Variants in PARG observed in about 807,000 individuals in gnomAD.
PARG encodes the protein mitochondrial poly(ADP-ribose) glycohydrolase.
A neutral mutation model predicts 113.0 loss-of-function variants in PARG; 35 were observed. The ratio of observed to expected loss-of-function variants is 0.31; its 90% CI spans 0.24 to 0.41. PARG has a LOEUF of 0.41. Ranked by LOEUF, PARG falls within the 10% of genes least tolerant of loss-of-function variation. The pLI, the probability that PARG is intolerant of heterozygous loss-of-function variation, is 1.00. For synonymous variants in PARG, 330 were observed against 409.9 expected, an observed-to-expected ratio of 0.81 and a Z score of 2.36; for missense variants, 797 against 1,169.4, an observed-to-expected ratio of 0.68 and a Z score of 4.64.
intron 7 of PARG, among the ~76,000 whole-genome samples, chr10:49,887,207 T>C (rs1554840594): frequency 6.6e-6 from 1 of 152,176 alleles, no homozygotes; most frequent in Non-Finnish European, 1.5e-5. Flanking sequence ...GCCTTTTTGC[T>C]TTTTAAAACT....
chr10:49,916,542 AATT>A (rs1180526427), intron 6 of PARG, among the ~76,000 whole-genome samples: 3 of 151,954 alleles, frequency 2.0e-5, no homozygotes, highest in Non-Finnish European at 4.4e-5. Flanking sequence ...ACTATATATA[AATT>A]ATTATCTTCC....
chr10:49,906,144 CTT>C (rs71471360), intron 7 of PARG, among the ~76,000 whole-genome samples: 5 of 111,056 alleles, frequency 4.5e-5, no homozygotes, highest in South Asian at 3.0e-4. Flanking sequence ...GATGCTGCCG[CTT>C]TTTTTTTTTT....
At chr10:49,928,149 T>C (rs565673919) in intron 4 of PARG, among the ~76,000 whole-genome samples, 4 of 151,942 alleles carry the variant, frequency 2.6e-5, no homozygotes, top group South Asian at 4.2e-4. Flanking sequence ...TATGCACCTG[T>C]AGTCCCAGCT....
chr10:49,920,612 A>G (rs1837809316), intron 6 of PARG, among the ~76,000 whole-genome samples: 1 of 145,958 alleles, frequency 6.9e-6, no homozygotes, highest in South Asian at 2.1e-4. Context: ...ACGTACATAT[A>G]TACGTATATA....
intron 14 of PARG, among the ~76,000 whole-genome samples, 170 bp downstream of exon 14, chr10:49,843,384 G>A (rs1845340678): frequency 3.3e-5 from 5 of 152,196 alleles, no homozygotes; most frequent in Admixed American, 3.3e-4. Context: ...GGTACAGGAA[G>A]ATGGTAATAG....
chr10:49,832,751 TAAC>T (rs750405654), intron 16 of PARG, 49 bp downstream of exon 16: 8 of 1,029,636 alleles, frequency 7.8e-6, no homozygotes, highest in Non-Finnish European at 1.2e-5. Context: ...TTTGAAGGAC[TAAC>T]TTTTTTTGTG....
intron 7 of PARG, among the ~76,000 whole-genome samples, chr10:49,897,280 A>C (rs1342152649): frequency 3.3e-5 from 5 of 152,182 alleles, no homozygotes; most frequent in Non-Finnish European, 5.9e-5. Context: ...AACAAATAAC[A>C]GCTAGTATTA....
chr10:49,931,368 G>C (rs1838470187), intron 4 of PARG, among the ~76,000 whole-genome samples: 3 of 151,998 alleles, frequency 2.0e-5, no homozygotes, highest in Admixed American at 2.0e-4. Flanking sequence ...TTATGGTTTA[G>C]GAGTCATGCA....
At chr10:49,920,473 TATATATATATATATATATATATATACAC>T (rs1837762454) in intron 6 of PARG, among the ~76,000 whole-genome samples, 1 of 81,796 alleles carries the variant, frequency 1.2e-5, no homozygotes, top group Admixed American at 1.1e-4. Context: ...AATATATATA[TATATATATATATATATATATATATACAC>T]ACACACACAC....
chr10:49,858,880 C>T (rs1335875029), intron 12 of PARG, among the ~76,000 whole-genome samples: 1 of 152,090 alleles, frequency 6.6e-6, no homozygotes, highest in East Asian at 1.9e-4. Flanking sequence ...CAAATATTTA[C>T]TGAGTATTGT....
Position 49,933,603 on chromosome 10 carries a change from G to T in PARG, c.845C>A (p.Thr282Asn). 6.2e-7 allele frequency: 1 copy of T among 1,610,624 alleles called. No homozygotes were observed. Among genetic ancestry groups the T allele is most frequent in the Middle Eastern group, 1.7e-4 (1 of 6,054 alleles). Residue 282 changes from threonine (T) to asparagine (N), a missense_variant, in exon 3 of 18, where the codon ACT (threonine) becomes AAT (asparagine). This residue lies in a region of PARG where 284 missense variants were observed against 306.1 expected (regional missense o/e 0.93). Coordinates refer to ENST00000616448, the MANE Select transcript of PARG (RefSeq NM_003631.5). Reference sequence around the variant, plus strand: ...ATTTCCTAGGCAACTTTCTTGTCTAGTCAATTTGTTGTCATTTTTTGGCCC... The same window carrying T: ...ATTTCCTAGGCAACTTTCTTGTCTATTCAATTTGTTGTCATTTTTTGGCCC... Reference protein sequence around the residue: ...GTGPKNDNKLTRQESCLGNSP... With the variant: ...GTGPKNDNKLNRQESCLGNSP...
Position 49,842,050 on chromosome 10 carries a change from C to T in PARG, c.2441G>A (p.Trp814Ter). 6.5e-7 allele frequency: 1 copy of T among 1,547,276 alleles called. No individual in the cohort carries two copies. Reference sequence around the variant, plus strand: ...AACGATCTCAGTGCAGCGCCGCTGCCAGTCGTCCCTGGGACAGGAAGGAAA... The same window carrying T: ...AACGATCTCAGTGCAGCGCCGCTGCTAGTCGTCCCTGGGACAGGAAGGAAA... ...SHEDGSERDDWQRRCTEIVAI... is the reference protein window; with the variant it reads ...SHEDGSERDD Residue 814 changes from tryptophan (W) to a stop codon, truncating the protein, a stop_gained, in exon 15 of 18, where the codon TGG (tryptophan) becomes TAG (stop). Coordinates refer to ENST00000616448, the MANE Select transcript of PARG (RefSeq NM_003631.5). LOFTEE classifies it high-confidence loss of function.
Position 49,937,475 on chromosome 10 carries a change from C to CA in PARG, c.218-2334dup, listed in dbSNP as rs34549779. Among the ~76,000 whole-genome samples the CA allele has an allele frequency of 6.2e-3, 754 of 120,674 alleles. 11 individuals are homozygous for CA. Among genetic ancestry groups the CA allele is most frequent in the South Asian group, 0.039 (145 of 3,740 alleles). 79.2% of individuals were successfully genotyped at this position (120,674 alleles called of 152,430 possible). A position where few individuals can be genotyped will look rare whatever the true frequency, so the allele number is the denominator to read the frequency against. ...TGGGCGACAGTGTGAGACTCTGTCT[C>CA]AAAAAAAAAAAAAAATCCTCAAATT... On this transcript the variant is annotated intron_variant, in intron 1 of 17. Coordinates refer to ENST00000616448, the MANE Select transcript of PARG (RefSeq NM_003631.5).
At chr10:49,828,112 A>AAC (rs1844462208) in intron 16 of PARG, among the ~76,000 whole-genome samples, 3 of 148,420 alleles carry the variant, frequency 2.0e-5, no homozygotes, top group Non-Finnish European at 4.5e-5. Context: ...AAAAAAAAAA[A>AAC]AAAAAAAAAA....
intron 14 of PARG, 84 bp downstream of exon 14, chr10:49,843,470 G>T: frequency 1.2e-6 from 1 of 800,796 alleles, no homozygotes; most frequent in Non-Finnish European, 2.1e-6. Context: ...TGAAATACAA[G>T]TAGACAGAAT....
chr10:49,937,475 C>CAAA (rs34549779), intron 1 of PARG, among the ~76,000 whole-genome samples: 62 of 120,784 alleles, frequency 5.1e-4, no homozygotes, highest in South Asian at 8.0e-4. Flanking sequence ...GACTCTGTCT[C>CAAA]AAAAAAAAAA....
intron 17 of PARG, among the ~76,000 whole-genome samples, chr10:49,819,727 G>A (rs1164661094): frequency 6.6e-6 from 1 of 152,106 alleles, no homozygotes; most frequent in East Asian, 1.9e-4. Flanking sequence ...GGCTATCCAT[G>A]GTACACTGTC....
chr10:49,903,462 T>C (rs1184698633), intron 7 of PARG, among the ~76,000 whole-genome samples: 1 of 151,810 alleles, frequency 6.6e-6, no homozygotes, highest in Non-Finnish European at 1.5e-5. Context: ...TCTCCCTGAA[T>C]ATCCTGAACT....
intron 7 of PARG, among the ~76,000 whole-genome samples, chr10:49,891,732 C>T (rs1432019914): frequency 2.0e-5 from 3 of 147,998 alleles, no homozygotes; most frequent in African/African-American, 7.5e-5. Flanking sequence ...CAGATTCAAG[C>T]GATTCTCCTG....
Sources: allele counts gnomAD v4.1 joint callset (sites outside exome capture counted in the v4.1 genomes callset), GRCh38; gene constraint gnomAD v4.1.1; regional missense constraint gnomAD v4.1.1; transcripts MANE v1.5; gene names NCBI Gene and HGNC (gene_info 2026-07-23, HGNC 2026-07-21).